The following SLCO6A1 variants were observed in gnomAD, a reference collection of about 807,000 sequenced individuals.
SLCO6A1 encodes cancer/testis antigen 48.
Under a neutral mutation model 72.7 loss-of-function variants are expected in SLCO6A1, and 65 were observed. The observed-to-expected ratio is 0.89, with a 90% CI of 0.73 to 1.10. The LOEUF (loss-of-function observed/expected upper bound fraction) is 1.10. Ranked by LOEUF, SLCO6A1 falls within the 50% of genes least tolerant of loss-of-function variation. SLCO6A1 has a pLI of 0.00. For synonymous variants in SLCO6A1, 314 were observed against 298.2 expected, an observed-to-expected ratio of 1.05 and a Z score of -0.55; for missense variants, 874 against 872.6, an observed-to-expected ratio of 1.00 and a Z score of -0.02.
chr5:102,450,646 C>T (rs1750365775), intron 6 of SLCO6A1, among the ~76,000 whole-genome samples: 1 of 152,208 alleles, frequency 6.6e-6, no homozygotes, highest in Admixed American at 6.5e-5. Context: ...CCCTCCCTGG[C>T]TTGGAGGCAC....
chr5:102,490,654 C>G (rs1021752046), intron 1 of SLCO6A1, among the ~76,000 whole-genome samples: 1 of 152,116 alleles, frequency 6.6e-6, no homozygotes, highest in African/African-American at 2.4e-5. Context: ...TTTCTTCCTT[C>G]TGGTGGGTTC....
chr5:102,427,860 ATATATTTTTTTTT>A (rs1748992715), intron 7 of SLCO6A1, among the ~76,000 whole-genome samples: 2 of 99,476 alleles, frequency 2.0e-5, no homozygotes, highest in African/African-American at 1.2e-4. Context: ...ATATATATAT[ATATATTTTTTTTT>A]TTTTTTTTTT....
chr5:102,445,473 C>T (rs2400797), intron 6 of SLCO6A1, among the ~76,000 whole-genome samples: 1 of 151,906 alleles, frequency 6.6e-6, no homozygotes, highest in African/African-American at 2.4e-5. Flanking sequence ...AGTTATTTAT[C>T]GACCTTTGTC....
At chr5:102,449,374 G>C (rs1420307811) in intron 6 of SLCO6A1, among the ~76,000 whole-genome samples, 1 of 139,284 alleles carries the variant, frequency 7.2e-6, no homozygotes, top group Non-Finnish European at 1.5e-5. Context: ...ATCTCACAAG[G>C]GTACTTTGAA....
At chr5:102,402,695 C>G (rs1341102547) in intron 9 of SLCO6A1, among the ~76,000 whole-genome samples, 3 of 152,102 alleles carry the variant, frequency 2.0e-5, no homozygotes, top group Non-Finnish European at 2.9e-5. Context: ...CAATAACAAA[C>G]CTGCTCCTGC....
chr5:102,440,129 G>A (rs1202932983), intron 6 of SLCO6A1, among the ~76,000 whole-genome samples: 1 of 152,070 alleles, frequency 6.6e-6, no homozygotes, highest in Non-Finnish European at 1.5e-5. Context: ...GATATGTATG[G>A]GTATTCTAGC....
rs183472057 is a variant in SLCO6A1, at chr5:102,414,010, T to A, written c.1473-867A>T. ...TGTTAGATATATTATTTTCCAATAG[T>A]TTTTCACATTCTATGGCTTGCTTTT... On this transcript the variant is annotated intron_variant, in intron 8 of 13. Transcript: ENST00000506729. Among the ~76,000 whole-genome samples, 418 of 152,248 alleles carry A rather than the reference T, an allele frequency of 2.7e-3. 2 individuals carry two copies. Among genetic ancestry groups the A allele is most frequent in the African/African-American group, 9.7e-3 (403 of 41,570 alleles).
In SLCO6A1 at chr5:102,388,772, A is replaced by G; in HGVS notation, c.1933T>C (p.Leu645=). ...FKMSGETSCI[L]RDVNKCGHTG... ...TGTCCACATTTATTAACATCCCGTA[A>G]AATACAAGAAGTTTCTCCTGACATT... The change falls in exon 12 of 14, where the codon TTA becomes CTA. Residue 645 remains leucine, a synonymous_variant. Transcript: ENST00000506729. 2 of 1,608,620 alleles carry G rather than the reference A, an allele frequency of 1.2e-6. No homozygotes were observed. Among genetic ancestry groups the G allele is most frequent in the Non-Finnish European group, 1.7e-6 (2 of 1,178,304 alleles).
chr5:102,468,194 G>A lies in SLCO6A1; in HGVS notation c.899+7503C>T, dbSNP rs563054248. ...AATTTTATTCCACTGTGGTCTGAGA[G>A]GATACTTGATATGCTTTCCATTGTC... On this transcript the variant is annotated intron_variant, in intron 4 of 13. Coordinates refer to ENST00000506729, the MANE Select transcript of SLCO6A1 (RefSeq NM_173488.5). 8.5e-5 allele frequency among the ~76,000 whole-genome samples: 13 copies of A among 152,144 alleles called. 1 individual carries two copies. The East Asian group carries it at 2.5e-3, about 29-fold the overall frequency.
rs118072373 is a variant in SLCO6A1, at chr5:102,462,319, A to C, written c.900-2542T>G. Among the ~76,000 whole-genome samples, 37 of 152,330 alleles carry C rather than the reference A, an allele frequency of 2.4e-4. No homozygotes were observed. In the East Asian group the frequency reaches 6.0e-3, roughly 25 times the overall value. On this transcript the variant is annotated intron_variant, in intron 4 of 13. Transcript: ENST00000506729. ...GAAAATGACCATACTGCCAAAAGCA[A>C]TCTATTGATTCAATGCAATTTCCAT...
intron 1 of SLCO6A1, among the ~76,000 whole-genome samples, chr5:102,494,825 T>C (rs1336839194): frequency 2.0e-5 from 3 of 152,226 alleles, no homozygotes; most frequent in Non-Finnish European, 4.4e-5. Context: ...ACAGCCACTT[T>C]GTAATTTGGC....
In SLCO6A1 at chr5:102,374,662, T is replaced by C. The variant is rs1745681485; in HGVS notation, c.2018-1168A>G. 3.3e-5 allele frequency among the ~76,000 whole-genome samples: 5 copies of C among 152,336 alleles called. 1 individual carries two copies. The South Asian group carries it at 1.0e-3, about 32-fold the overall frequency. On this transcript the variant is annotated intron_variant, in intron 12 of 13. Coordinates refer to ENST00000506729, the MANE Select transcript of SLCO6A1 (RefSeq NM_173488.5). ...TTTATAATGATACAATAACATTTTA[T>C]ACATTTTACAGGGAAAAATACCATT...
At chr5:102,373,642 A>G in intron 12 of SLCO6A1, 148 bp from the exon 13 acceptor site, 1 of 427,392 alleles carries the variant, frequency 2.3e-6, no homozygotes, top group East Asian at 3.8e-5. Flanking sequence ...ATGCCATAAA[A>G]TTATATTAAG....
At chr5:102,488,296 CTG>C (rs1313071697) in intron 1 of SLCO6A1, among the ~76,000 whole-genome samples, 2 of 152,070 alleles carry the variant, frequency 1.3e-5, no homozygotes, top group Admixed American at 6.5e-5. Flanking sequence ...TGTTTTCAAA[CTG>C]TTATATATCA....
chr5:102,456,292 A>G (rs1388806074), intron 6 of SLCO6A1, among the ~76,000 whole-genome samples: 2 of 152,196 alleles, frequency 1.3e-5, no homozygotes. Context: ...AGGGTATTCA[A>G]TCAGGAAAAG....
intron 6 of SLCO6A1, among the ~76,000 whole-genome samples, chr5:102,447,367 G>A (rs1004287215): frequency 6.6e-6 from 1 of 152,148 alleles, no homozygotes; most frequent in Non-Finnish European, 1.5e-5. Flanking sequence ...GTATCAGAAT[G>A]ACGTTGGCCT....
chr5:102,462,386 T>C (rs1269268736), intron 4 of SLCO6A1, among the ~76,000 whole-genome samples: 1 of 151,890 alleles, frequency 6.6e-6, no homozygotes, highest in Non-Finnish European at 1.5e-5. Flanking sequence ...GAAAAAACAA[T>C]CCTAAAATTC....
At chr5:102,410,962 A>C (rs1262462971) in intron 9 of SLCO6A1, among the ~76,000 whole-genome samples, 1 of 152,160 alleles carries the variant, frequency 6.6e-6, no homozygotes, top group African/African-American at 2.4e-5. Flanking sequence ...GTAGAGAGTA[A>C]ACACTTTGGA....
intron 9 of SLCO6A1, among the ~76,000 whole-genome samples, chr5:102,411,227 G>A (rs1189243074): frequency 1.3e-5 from 2 of 151,130 alleles, no homozygotes; most frequent in Admixed American, 6.6e-5. Flanking sequence ...ATATATATAT[G>A]TGTGTGTGTG....
Sources: gnomAD v4.1 joint callset for allele counts (sites outside exome capture counted in the v4.1 genomes callset) on GRCh38, gnomAD v4.1.1 for gene constraint, MANE v1.5 for transcripts, NCBI Gene and HGNC (gene_info 2026-07-23, HGNC 2026-07-21) for gene names.